The following EYA2 variants were observed in gnomAD, a reference collection of about 807,000 sequenced individuals.
The protein encoded by EYA2 is EYA transcriptional coactivator and phosphatase 2, also known as protein phosphatase EYA2.
In EYA2, 31 loss-of-function variants were observed where a neutral mutation model predicts 69.2. The ratio of observed to expected loss-of-function variants is 0.45; its 90% CI spans 0.34 to 0.60. EYA2 has a LOEUF of 0.60. EYA2 is among the 20% of genes least tolerant of loss of function. EYA2 has a pLI of 0.02. For synonymous variants in EYA2, 257 were observed against 279.4 expected, an observed-to-expected ratio of 0.92 and a Z score of 0.80; for missense variants, 622 against 701.2, an observed-to-expected ratio of 0.89 and a Z score of 1.28.
intron 3 of EYA2, among the ~76,000 whole-genome samples, chr20:47,003,677 A>T (rs1982516706): frequency 6.6e-6 from 1 of 152,236 alleles, no homozygotes; most frequent in African/African-American, 2.4e-5. Context: ...GGATCTGTGG[A>T]TTGGATGTGG....
intron 3 of EYA2, among the ~76,000 whole-genome samples, chr20:47,001,764 T>C (rs546194352): frequency 6.7e-6 from 1 of 149,462 alleles, no homozygotes; most frequent in Non-Finnish European, 1.5e-5. Context: ...TTAGCTATTA[T>C]TTTCTTCTTT....
intron 1 of EYA2, among the ~76,000 whole-genome samples, chr20:46,977,273 AATGT>A (rs1980521459): frequency 1.3e-5 from 2 of 152,240 alleles, no homozygotes; most frequent in Admixed American, 1.3e-4. Context: ...GAAATTTTAA[AATGT>A]ATTTACAAAT....
intron 5 of EYA2, among the ~76,000 whole-genome samples, chr20:47,038,839 G>A (rs951334762): frequency 6.6e-6 from 1 of 152,144 alleles, no homozygotes. Context: ...GATACCTCAC[G>A]TAAGTGGAAT....
intron 4 of EYA2, among the ~76,000 whole-genome samples, chr20:47,006,505 A>G (rs1362817731): frequency 6.6e-6 from 1 of 152,202 alleles, no homozygotes; most frequent in Non-Finnish European, 1.5e-5. Context: ...TAAAATTAAT[A>G]TGCTCGTTTC....
At chr20:46,917,745 TA>T (rs1984978434) in intron 1 of EYA2, among the ~76,000 whole-genome samples, 1 of 152,238 alleles carries the variant, frequency 6.6e-6, no homozygotes. Context: ...TACCTTAACT[TA>T]AAAATACTTC....
At chr20:47,017,091 C>A (rs1391145789) in intron 5 of EYA2, among the ~76,000 whole-genome samples, 1 of 152,174 alleles carries the variant, frequency 6.6e-6, no homozygotes. Flanking sequence ...AAGGAACTGG[C>A]TTACTGGGTT....
At chr20:46,910,930 A>T (rs1984613358) in intron 1 of EYA2, among the ~76,000 whole-genome samples, 1 of 152,196 alleles carries the variant, frequency 6.6e-6, no homozygotes, top group South Asian at 2.1e-4. Flanking sequence ...GGGGCTGGGA[A>T]CTGTCTGTCC....
intron 5 of EYA2, among the ~76,000 whole-genome samples, chr20:47,027,257 C>T (rs947073630): frequency 1.3e-5 from 2 of 152,234 alleles, no homozygotes; most frequent in Non-Finnish European, 1.5e-5. Context: ...TTCAGGCTGT[C>T]CCAGCCCAGC....
At chr20:47,080,791 C>T (rs1009417217) in intron 7 of EYA2, among the ~76,000 whole-genome samples, 10 of 152,084 alleles carry the variant, frequency 6.6e-5, no homozygotes, top group African/African-American at 2.4e-4. Flanking sequence ...AGAGAGAACT[C>T]GTGCAGGCGA....
At chr20:47,179,118 A>G (rs2146668867) in intron 12 of EYA2, among the ~76,000 whole-genome samples, 1 of 151,436 alleles carries the variant, frequency 6.6e-6, no homozygotes, top group South Asian at 2.1e-4. Flanking sequence ...AAGCTCTATA[A>G]TCTGCATATT....
chr20:47,080,871 AC>A (rs1310787595), intron 7 of EYA2, among the ~76,000 whole-genome samples: 1 of 152,008 alleles, frequency 6.6e-6, no homozygotes, highest in Admixed American at 6.5e-5. Context: ...TGCAGGAAAG[AC>A]CCTCCTTCTT....
At chr20:46,998,893 A>G (rs1982193011) in intron 2 of EYA2, among the ~76,000 whole-genome samples, 2 of 152,180 alleles carry the variant, frequency 1.3e-5, no homozygotes, top group Admixed American at 6.5e-5. Flanking sequence ...TGCACTTACA[A>G]ATGCCTGTTT....
chr20:46,987,916 G>GACTCTCTCTCTCTCTCTCTCTCCC (rs56288405), intron 1 of EYA2, among the ~76,000 whole-genome samples: 1 of 20,352 alleles, frequency 4.9e-5, no homozygotes, highest in Non-Finnish European at 9.6e-5. Flanking sequence ...GACAGAGTAA[G>GACTCTCTCTCTCTCTCTCTCTCCC]TCTCTCTCTC....
At chr20:47,169,261 A>G in intron 11 of EYA2, 64 bp downstream of exon 11, 2 of 1,508,394 alleles carry the variant, frequency 1.3e-6, no homozygotes, top group Non-Finnish European at 1.8e-6. Context: ...TTATCCTTCT[A>G]CTAGGAAGTG....
intron 1 of EYA2, among the ~76,000 whole-genome samples, chr20:46,900,861 G>A (rs1984066534): frequency 6.6e-6 from 1 of 152,132 alleles, no homozygotes; most frequent in Non-Finnish European, 1.5e-5. Flanking sequence ...AAAACACGGG[G>A]AATTCTCAAA....
chr20:47,169,285 G>C, intron 11 of EYA2, 88 bp downstream of exon 11: 1 of 1,334,292 alleles, frequency 7.5e-7, no homozygotes, highest in Non-Finnish European at 1.1e-6. Flanking sequence ...TGGGAGAGGA[G>C]GGCTGCTTAT....
At chr20:47,067,290 A>G (rs2031148551) in intron 5 of EYA2, among the ~76,000 whole-genome samples, 1 of 152,176 alleles carries the variant, frequency 6.6e-6, no homozygotes, top group Admixed American at 6.5e-5. Context: ...TAGGGTCACC[A>G]TGGTAACCAG....
At chr20:47,033,849 C>G (rs918038204) in intron 5 of EYA2, among the ~76,000 whole-genome samples, 4 of 152,178 alleles carry the variant, frequency 2.6e-5, no homozygotes, top group Non-Finnish European at 5.9e-5. Context: ...TGATTGCATT[C>G]AAGCCAGTGG....
chr20:47,003,572 G>A (rs897525917), intron 3 of EYA2, among the ~76,000 whole-genome samples: 3 of 152,200 alleles, frequency 2.0e-5, no homozygotes. Context: ...ATGTGTGTGT[G>A]TATCTGTGCA....
Sources: allele counts gnomAD v4.1 joint callset (sites outside exome capture counted in the v4.1 genomes callset), GRCh38; gene constraint gnomAD v4.1.1; transcripts MANE v1.5; gene names NCBI Gene and HGNC (gene_info 2026-07-23, HGNC 2026-07-21).